Variants in SHISA7 observed in about 807,000 individuals in gnomAD.
SHISA7 encodes shisa family member 7, also known as protein shisa-7.
A neutral mutation model predicts 23.9 loss-of-function variants in SHISA7; 6 were observed. The observed-to-expected ratio is 0.25, with a 90% CI of 0.14 to 0.50. The LOEUF (loss-of-function observed/expected upper bound fraction) is 0.50, where lower values mean the gene tolerates loss of function less well. Among genes scored for constraint, SHISA7 ranks in the 20% least tolerant of loss-of-function variants. SHISA7 has a pLI of 0.98. For missense variants in SHISA7, 671 were observed against 801.1 expected, an observed-to-expected ratio of 0.84 and a Z score of 1.96; for synonymous variants, 386 against 398.3, an observed-to-expected ratio of 0.97 and a Z score of 0.37.
In SHISA7 at chr19:55,437,537, G is replaced by C. The variant is rs1410801757; in HGVS notation, c.976+68C>G. 80 of 1,494,874 alleles carry C rather than the reference G, an allele frequency of 5.4e-5. 1 individual carries two copies. In the South Asian group the frequency reaches 9.9e-4, roughly 18 times the overall value. The allele number at this position is 1,494,874 out of a possible 1,614,324, so 92.6% of individuals were successfully genotyped here. A position where few individuals can be genotyped will look rare whatever the true frequency, so the allele number is the denominator to read the frequency against. ...GGAAGGCTCTTGGGCCACTGTCCAC[G>C]GTCCTGAACCCAGGCTCTGGCCCCG... On this transcript the variant is annotated intron_variant, in intron 3 of 3. Coordinates refer to ENST00000376325, the MANE Select transcript of SHISA7 (RefSeq NM_001145176.2).
Position 55,438,554 on chromosome 19 carries a change from T to TC in SHISA7, c.827-801dup, listed in dbSNP as rs1985523006. The TC allele has an allele frequency of 1.3e-5, 17 of 1,304,294 alleles. 1 individual carries two copies. Among genetic ancestry groups the TC allele is most frequent in the African/African-American group, 7.6e-5 (5 of 66,002 alleles). The allele number at this position is 1,304,294 out of a possible 1,614,324, so 80.8% of individuals were successfully genotyped here. On this transcript the variant is annotated intron_variant, in intron 2 of 3. Transcript: ENST00000376325. ...GCTCTTTTCCGCAGCCGGGCCCTCT[T>TC]CCGCACCCAGTGTGGCGGCGTGGTG...
At chr19:55,438,657 C>G (rs115149150) in intron 2 of SHISA7, 2 of 1,300,132 alleles carry the variant, frequency 1.5e-6, no homozygotes, top group Non-Finnish European at 2.0e-6. Context: ...GATGATGTCA[C>G]TGCCATCACT....
At chr19:55,436,526 T>A (rs1985464745) in intron 3 of SHISA7, among the ~76,000 whole-genome samples, 1 of 149,686 alleles carries the variant, frequency 6.7e-6, no homozygotes, top group Non-Finnish European at 1.5e-5. Flanking sequence ...TCACTTGAAC[T>A]CGGCAGGCGG....
In SHISA7 at chr19:55,433,705, G is replaced by A. The variant is rs548198173; in HGVS notation, c.1068C>T (p.Gly356=). The A allele has an allele frequency of 2.8e-4, 417 of 1,479,114 alleles. No individual in the cohort carries two copies. Among genetic ancestry groups the A allele is most frequent in the Middle Eastern group, 9.2e-4 (5 of 5,432 alleles). 91.6% of individuals were successfully genotyped at this position (1,479,114 alleles called of 1,614,324 possible). The change falls in exon 4 of 4, where the codon GGC becomes GGT. Residue 356 remains glycine, a synonymous_variant. Coordinates refer to ENST00000376325, the MANE Select transcript of SHISA7 (RefSeq NM_001145176.2). The surrounding 1 kb of genome is among the most constrained non-coding windows in gnomAD (Gnocchi z 8.4). The stretch of plus-strand genomic sequence containing the variant: ...CCTCCATGCGATAGCCGCCCCCCGT[G>A]CCCGGCCGCCGCAGCGCGTGCAGGG... The part of the protein sequence containing the change: ...TLPLHALRRP[G]TGGGYRMEAW...
In SHISA7 at chr19:55,433,479, G is replaced by A. The variant is rs1231046087; in HGVS notation, c.1294C>T (p.Pro432Ser). 8 of 1,422,716 alleles carry A rather than the reference G, an allele frequency of 5.6e-6. No homozygotes were observed. In the South Asian group the frequency reaches 1.2e-4, roughly 20 times the overall value. 88.1% of individuals were successfully genotyped at this position (1,422,716 alleles called of 1,614,324 possible). Residue 432 changes from proline (P) to serine (S), a missense_variant, in exon 4 of 4, where the codon CCG (proline) becomes TCG (serine). Pro to Ser is a moderately conservative substitution (Grantham distance 74). Transcript: ENST00000376325. The surrounding 1 kb of genome is among the most constrained non-coding windows in gnomAD (Gnocchi z 8.4). ...TCGGGGGGCAGCGCGGGGCTGCGCG[G>A]GGGCGACAGCAGGTGCTCGCGACTC... ...RQSREHLLSP[P>S]RSPALPPDPT...
At chr19:55,440,844 T>C (rs554888358) in intron 1 of SHISA7, 79 bp from the exon 2 acceptor site, 316 of 1,199,946 alleles carry the variant, frequency 2.6e-4, no homozygotes, top group Non-Finnish European at 2.8e-4. Flanking sequence ...TTCCGCTCCC[T>C]GCTCTCGCCC....
intron 3 of SHISA7, among the ~76,000 whole-genome samples, chr19:55,435,270 C>T (rs1284436627): frequency 1.1e-4 from 8 of 70,448 alleles, no homozygotes; most frequent in African/African-American, 4.2e-4. Context: ...TATGTGTGTG[C>T]GTGTGTGCGT....
chr19:55,442,949 C>A lies in SHISA7; in HGVS notation c.-86G>T. 2 of 706,746 alleles carry A rather than the reference C, an allele frequency of 2.8e-6. No individual in the cohort carries two copies. Among genetic ancestry groups the A allele is most frequent in the South Asian group, 5.4e-5 (1 of 18,592 alleles). 43.8% of individuals were successfully genotyped at this position (706,746 alleles called of 1,614,324 possible). A position where few individuals can be genotyped will look rare whatever the true frequency, so the allele number is the denominator to read the frequency against. On this transcript the variant is annotated 5_prime_UTR_variant, in exon 1 of 4. Transcript: ENST00000376325. The stretch of plus-strand genomic sequence containing the variant: ...GAGCGCTGGGCGGGAGAGAAACGGT[C>A]AGAGGGTGAGAAACGTAGAGATGGG...
intron 1 of SHISA7, among the ~76,000 whole-genome samples, chr19:55,441,320 C>T (rs1985593518): frequency 1.3e-5 from 2 of 152,210 alleles, no homozygotes; most frequent in African/African-American, 4.8e-5. Flanking sequence ...GTCTCACGCG[C>T]AGCCCGCATA....
At chr19:55,437,877 C>T (rs1985504463) in intron 2 of SHISA7, 123 bp from the exon 3 acceptor site, 1 of 1,234,500 alleles carries the variant, frequency 8.1e-7, no homozygotes, top group Non-Finnish European at 1.1e-6. Flanking sequence ...TTCCTTCAGA[C>T]CCAGGAGTGC....
chr19:55,434,619 GT>G, intron 3 of SHISA7, among the ~76,000 whole-genome samples: 1 of 109,080 alleles, frequency 9.2e-6, no homozygotes. Flanking sequence ...GTGGTATGGC[GT>G]GTGTGTGTGG....
In SHISA7 at chr19:55,433,059, G is replaced by A. The variant is rs774835985; in HGVS notation, c.*97C>T. ...TTCACTCCTGTCCAAGGGCCGATCT[G>A]GGCCCCAGGCCCCTGGCATGTGTGC... On this transcript the variant is annotated 3_prime_UTR_variant, in exon 4 of 4. Coordinates refer to ENST00000376325, the MANE Select transcript of SHISA7 (RefSeq NM_001145176.2). This position sits in a 1 kb window ranked among gnomAD's most constrained non-coding sequence, Gnocchi z 8.4. The A allele has an allele frequency of 2.7e-4, 372 of 1,373,222 alleles. No individual in the cohort carries two copies. The highest frequency in any genetic ancestry group is 3.4e-4 in the Non-Finnish European group (363 of 1,060,174). 85.1% of individuals were successfully genotyped at this position (1,373,222 alleles called of 1,614,324 possible).
At chr19:55,434,051 T>G (rs1985289712) in intron 3 of SHISA7, among the ~76,000 whole-genome samples, 1 of 152,022 alleles carries the variant, frequency 6.6e-6, no homozygotes, top group African/African-American at 2.4e-5. Context: ...CAACTCTTGC[T>G]TTTGGGGAAC....
At chr19:55,437,443 G>A (rs1985491344) in intron 3 of SHISA7, among the ~76,000 whole-genome samples, 162 bp downstream of exon 3, 1 of 152,182 alleles carries the variant, frequency 6.6e-6, no homozygotes, top group Non-Finnish European at 1.5e-5. Context: ...AAGTGATTCT[G>A]ATACAAAAGT....
rs1297038450 is a variant in SHISA7, at chr19:55,431,571, G to T, written c.*1585C>A. The T allele has an allele frequency of 3.3e-5, 5 of 152,132 alleles. No homozygotes were observed. Among genetic ancestry groups the T allele is most frequent in the Non-Finnish European group, 7.4e-5 (5 of 68,018 alleles). 9.4% of individuals were successfully genotyped at this position (152,132 alleles called of 1,614,324 possible). ...ATAGTTGTGGGTCATAGGTAATCCT[G>T]GGGAAGGATTCCATCCTCAGACATG... On this transcript the variant is annotated 3_prime_UTR_variant, in exon 4 of 4. Transcript: ENST00000376325.
Position 55,442,419 on chromosome 19 carries a change from C to G in SHISA7, c.445G>C (p.Gly149Arg), listed in dbSNP as rs1985619542. The change falls in exon 1 of 4, where the codon GGC becomes CGC. Residue 149 changes from glycine to arginine, a missense_variant. By Grantham distance (125) the Gly-to-Arg change is moderately radical. Transcript: ENST00000376325. ...TPPPLAGGAG[G>R]AGGAGGGPGP... ...GGCCCCCCGCCCGCACCCCCAGCGC[C>G]CCCGGCGCCCCCAGCTAGCGGCGGC... 7.1e-7 allele frequency: 1 copy of G among 1,409,776 alleles called. No homozygotes were observed. Among genetic ancestry groups the G allele is most frequent in the Non-Finnish European group, 9.3e-7 (1 of 1,079,530 alleles). 87.3% of individuals were successfully genotyped at this position (1,409,776 alleles called of 1,614,324 possible).
At position 55,433,403 on chromosome 19, in the gene SHISA7, CCCA is replaced by C. The variant is rs1320371742; in HGVS notation, c.1367_1369del (p.Leu456_Gly457delinsArg). On this transcript the variant is annotated inframe_deletion, in exon 4 of 4. Coordinates refer to ENST00000376325, the MANE Select transcript of SHISA7 (RefSeq NM_001145176.2). The surrounding 1 kb of genome is among the most constrained non-coding windows in gnomAD (Gnocchi z 8.4). ...CAGCGGTGTTGGGGGCCCCCCGGGCCCCAGCAGCAGGTTGGAGTGCGAGGCGGC... is the reference window on the plus strand; with the variant it reads ...CAGCGGTGTTGGGGGCCCCCCGGGCCGCAGCAGGTTGGAGTGCGAGGCGGC... The C allele has an allele frequency of 7.5e-7, 1 of 1,325,580 alleles. No homozygotes were observed. Among genetic ancestry groups the C allele is most frequent in the African/African-American group, 1.6e-5 (1 of 64,454 alleles). The allele number at this position is 1,325,580 out of a possible 1,614,324, so 82.1% of individuals were successfully genotyped here.
At position 55,429,681 on chromosome 19, in the gene SHISA7, G is replaced by A. The variant is rs1362530539; in HGVS notation, c.*3475C>T. 2.0e-5 allele frequency: 3 copies of A among 152,160 alleles called. No individual in the cohort carries two copies. The highest frequency in any genetic ancestry group is 4.8e-5 in the African/African-American group (2 of 41,418). 9.4% of individuals were successfully genotyped at this position (152,160 alleles called of 1,614,324 possible). A position where few individuals can be genotyped will look rare whatever the true frequency, so the allele number is the denominator to read the frequency against. ...GAGGGGCGTGTAGCCCTTTAAGAGT[G>A]GGGGAATGGCCGCCCCCGCAACATG... On this transcript the variant is annotated 3_prime_UTR_variant, in exon 4 of 4. Coordinates refer to ENST00000376325, the MANE Select transcript of SHISA7 (RefSeq NM_001145176.2).
At chr19:55,435,972 G>C (rs111635705) in intron 3 of SHISA7, among the ~76,000 whole-genome samples, 43 of 151,164 alleles carry the variant, frequency 2.8e-4, no homozygotes, top group Non-Finnish European at 5.5e-4. Flanking sequence ...GTGTGTGTGT[G>C]TCTCACGGGT....
Sources: gnomAD v4.1 joint callset for allele counts (sites outside exome capture counted in the v4.1 genomes callset) on GRCh38, gnomAD v4.1.1 for gene constraint, Gnocchi (gnomAD v3.1) non-coding constraint, MANE v1.5 for transcripts, NCBI Gene and HGNC (gene_info 2026-07-23, HGNC 2026-07-21) for gene names.